ADGRL3: variants seen among roughly 807,000 people sequenced by gnomAD.
ADGRL3 encodes adhesion G protein-coupled receptor L3.
ADGRL3 carries 62 observed loss-of-function variants against 153.5 expected under a neutral mutation model. That is an observed-to-expected ratio of 0.40 (90% CI 0.33 to 0.50). The LOEUF is 0.50. ADGRL3 is among the 20% of genes least tolerant of loss of function. ADGRL3 has a pLI of 0.47. For synonymous variants in ADGRL3, 710 were observed against 672.5 expected, an observed-to-expected ratio of 1.06 and a Z score of -0.86; for missense variants, 1,641 against 1,859.4, an observed-to-expected ratio of 0.88 and a Z score of 2.16.
intron 5 of ADGRL3, among the ~76,000 whole-genome samples, chr4:61,632,184 T>C (rs1264412301): frequency 6.6e-6 from 1 of 152,214 alleles, no homozygotes; most frequent in African/African-American, 2.4e-5. Context: ...TGATGAACAC[T>C]AGGAAATGAG....
chr4:62,064,677 T>G (rs1281144612), intron 25 of ADGRL3, among the ~76,000 whole-genome samples: 1 of 151,856 alleles, frequency 6.6e-6, no homozygotes, highest in Non-Finnish European at 1.5e-5. Context: ...GTTGTTTTTT[T>G]TTTTCTTTCT....
At position 62,070,705 on chromosome 4, in the gene ADGRL3, C is replaced by G. The variant is rs991922729; in HGVS notation, c.4429C>G (p.Pro1477Ala). The part of the protein sequence containing the change: ...SVTTSTQTEP[P>A]PAKCGDAEDV... Reference sequence around the variant, plus strand: ...TACCACCAGCACCCAGACCGAACCCCCACCGGCCAAATGTGGTGATGCCGA... The same window carrying G: ...TACCACCAGCACCCAGACCGAACCCGCACCGGCCAAATGTGGTGATGCCGA... Residue 1477 changes from proline (P) to alanine (A), a missense_variant, in exon 27 of 27, where the codon CCA becomes GCA. Physicochemically the swap from Pro to Ala is conservative, Grantham distance 27. Transcript: ENST00000683033. 9.0e-6 allele frequency: 14 copies of G among 1,551,504 alleles called. No individual in the cohort carries two copies. Among genetic ancestry groups the G allele is most frequent in the Non-Finnish European group, 1.1e-5 (13 of 1,146,978 alleles).
chr4:62,037,654 A>G, intron 23 of ADGRL3, 77 bp from the exon 24 acceptor site: 1 of 1,457,606 alleles, frequency 6.9e-7, no homozygotes, highest in South Asian at 1.2e-5. Context: ...TAAAAATAAA[A>G]CTCACATACA....
intron 25 of ADGRL3, among the ~76,000 whole-genome samples, chr4:62,062,723 T>A (rs2151873482): frequency 6.6e-6 from 1 of 152,210 alleles, no homozygotes; most frequent in East Asian, 1.9e-4. Context: ...AATTTAACAT[T>A]GTTTCATTGC....
chr4:61,814,226 A>ATT (rs1187248140), intron 9 of ADGRL3, among the ~76,000 whole-genome samples: 2 of 143,192 alleles, frequency 1.4e-5, no homozygotes, highest in African/African-American at 2.6e-5. Context: ...CTACTATCTT[A>ATT]TTTTTTTTTT....
chr4:61,687,603 A>G (rs1431736759), intron 6 of ADGRL3, among the ~76,000 whole-genome samples: 1 of 152,032 alleles, frequency 6.6e-6, no homozygotes, highest in East Asian at 1.9e-4. Context: ...TTTTACATTC[A>G]TTTATGAATA....
At chr4:61,604,872 C>T (rs1431206263) in intron 5 of ADGRL3, among the ~76,000 whole-genome samples, 1 of 151,860 alleles carries the variant, frequency 6.6e-6, no homozygotes, top group Non-Finnish European at 1.5e-5. Flanking sequence ...AGATGGATCA[C>T]TGAGGTCAAG....
intron 1 of ADGRL3, among the ~76,000 whole-genome samples, chr4:61,272,677 C>A (rs2093259095): frequency 6.6e-6 from 1 of 152,022 alleles, no homozygotes; most frequent in African/African-American, 2.4e-5. Flanking sequence ...TATTGACATA[C>A]ATCAAATTTA....
rs560464093 is a variant in ADGRL3 at position 61,990,705 on chromosome 4, C to G, written c.3237-5586C>G. On this transcript the variant is annotated intron_variant, in intron 19 of 26. Transcript: ENST00000683033. ...TATATACAGCATATAAATTTCTCACCTACTCATTGAGAATTTATAATTATC... is the reference window on the plus strand; with the variant it reads ...TATATACAGCATATAAATTTCTCACGTACTCATTGAGAATTTATAATTATC... Among the ~76,000 whole-genome samples the G allele has an allele frequency of 6.9e-4, 105 of 151,666 alleles. 1 individual carries two copies. The highest frequency in any genetic ancestry group is 2.4e-3 in the African/African-American group (101 of 41,398).
At position 62,033,225 on chromosome 4, in the gene ADGRL3, G is replaced by T. The variant is rs148011395; in HGVS notation, c.3591+1615G>T. 5.1e-3 allele frequency among the ~76,000 whole-genome samples: 768 copies of T among 151,706 alleles called. 6 individuals carry two copies. The highest frequency in any genetic ancestry group is 0.012 in the South Asian group (56 of 4,818). On this transcript the variant is annotated intron_variant, in intron 23 of 26. Coordinates refer to ENST00000683033, the MANE Select transcript of ADGRL3 (RefSeq NM_001387552.1). ...TGGGAGAGAGAGAGATGATTTTGTGGTTTGAAAGTGGTTCACATGGCTTCT... is the reference window on the plus strand; with the variant it reads ...TGGGAGAGAGAGAGATGATTTTGTGTTTTGAAAGTGGTTCACATGGCTTCT...
At chr4:61,775,426 G>T (rs2097136514) in intron 8 of ADGRL3, 1 of 685,118 alleles carries the variant, frequency 1.5e-6, no homozygotes, top group Non-Finnish European at 2.7e-6. Context: ...GTGTGTGTGT[G>T]TGTGTGCCAA....
intron 8 of ADGRL3, among the ~76,000 whole-genome samples, chr4:61,750,889 A>G (rs897518902): frequency 2.6e-5 from 4 of 152,142 alleles, no homozygotes; most frequent in Admixed American, 6.5e-5. Flanking sequence ...GAATCTGGGC[A>G]AGCAAACAGT....
intron 1 of ADGRL3, among the ~76,000 whole-genome samples, chr4:61,307,915 G>A (rs1371207889): frequency 9.9e-5 from 15 of 152,134 alleles, no homozygotes; most frequent in African/African-American, 2.9e-4. Flanking sequence ...TTAAGATCAT[G>A]TTGTCATTTT....
Position 62,071,817 on chromosome 4 carries a change from A to C in ADGRL3, c.*909A>C, listed in dbSNP as rs1745760376. 2 of 375,028 alleles carry C rather than the reference A, an allele frequency of 5.3e-6. No individual in the cohort carries two copies. Among genetic ancestry groups the C allele is most frequent in the Non-Finnish European group, 1.0e-5 (2 of 195,534 alleles). The allele number at this position is 375,028 out of a possible 1,614,324, so 23.2% of individuals were successfully genotyped here. A position where few individuals can be genotyped will look rare whatever the true frequency, so the allele number is the denominator to read the frequency against. ...AAATAAATGGAACTATCACTTTATA[A>C]GAATCATTTTCTAGTAATGCAAACA... On this transcript the variant is annotated 3_prime_UTR_variant, in exon 27 of 27. Transcript: ENST00000683033.
At chr4:61,320,675 T>G (rs2095337553) in intron 1 of ADGRL3, among the ~76,000 whole-genome samples, 1 of 152,172 alleles carries the variant, frequency 6.6e-6, no homozygotes, top group African/African-American at 2.4e-5. Context: ...TTATAACATC[T>G]AAAAAATACC....
intron 5 of ADGRL3, among the ~76,000 whole-genome samples, chr4:61,609,792 G>T (rs2099046031): frequency 6.6e-6 from 1 of 152,008 alleles, no homozygotes; most frequent in Non-Finnish European, 1.5e-5. Flanking sequence ...TCCAGCTTCT[G>T]ATCTGAATTT....
chr4:61,759,039 C>T (rs554895009), intron 8 of ADGRL3, among the ~76,000 whole-genome samples: 42 of 152,188 alleles, frequency 2.8e-4, no homozygotes, highest in African/African-American at 8.9e-4. Flanking sequence ...GAGTTTCTGC[C>T]GAGAGATCAG....
rs143297479 is a variant in ADGRL3 at position 61,962,067 on chromosome 4, C to T, written c.2805+13791C>T. ...CAGCCTGGGCAACACAGTGAAACCC[C>T]GTCTCTACTAAAATACAAAAAATTA... On this transcript the variant is annotated intron_variant, in intron 17 of 26. Transcript: ENST00000683033. 5.1e-3 allele frequency among the ~76,000 whole-genome samples: 779 copies of T among 151,922 alleles called. 9 individuals are homozygous for T. The highest frequency in any genetic ancestry group is 0.016 in the African/African-American group (664 of 41,420).
chr4:61,370,368 G>A (rs1402160328), intron 1 of ADGRL3, among the ~76,000 whole-genome samples: 1 of 151,360 alleles, frequency 6.6e-6, no homozygotes, highest in Admixed American at 6.6e-5. Context: ...TGGGCATGTA[G>A]TGCTATAAAT....
Sources: allele counts gnomAD v4.1 joint callset (sites outside exome capture counted in the v4.1 genomes callset), GRCh38; gene constraint gnomAD v4.1.1; transcripts MANE v1.5; gene names NCBI Gene and HGNC (gene_info 2026-07-23, HGNC 2026-07-21).